Variants in ARMC9 observed in about 807,000 individuals in gnomAD.
ARMC9 encodes lisH domain-containing protein ARMC9.
Under a neutral mutation model 107.0 loss-of-function variants are expected in ARMC9, and 94 were observed. The observed-to-expected ratio is 0.88, with a 90% CI of 0.74 to 1.04. The LOEUF (loss-of-function observed/expected upper bound fraction) is 1.04. ARMC9 is among the 50% of genes least tolerant of loss of function. ARMC9 has a pLI of 0.00. For missense variants in ARMC9, 942 were observed against 1,030.1 expected, an observed-to-expected ratio of 0.91 and a Z score of 1.17; for synonymous variants, 380 against 396.9, an observed-to-expected ratio of 0.96 and a Z score of 0.51.
At chr2:231,223,457 A>G (rs2034346426) in intron 6 of ARMC9, among the ~76,000 whole-genome samples, 1 of 152,210 alleles carries the variant, frequency 6.6e-6, no homozygotes, top group African/African-American at 2.4e-5. Context: ...CCCATGGAAG[A>G]CTAATTTCCC....
intron 7 of ARMC9, among the ~76,000 whole-genome samples, chr2:231,231,874 A>G (rs898415849): frequency 6.6e-6 from 1 of 151,794 alleles, no homozygotes; most frequent in Admixed American, 6.6e-5. Flanking sequence ...TGTTTAGTAG[A>G]GACGGGGTTT....
At position 231,376,616 on chromosome 2, in the gene ARMC9, C is replaced by A. The variant is rs1171173148; in HGVS notation, c.*5081C>A. On this transcript the variant is annotated 3_prime_UTR_variant, in exon 25 of 25. Transcript: ENST00000611582. ...ACAATGGTGCCCAAAACTTCATTAGCAATTTTAATTTTGCCTTGGTCCTGT... is the reference window on the plus strand; with the variant it reads ...ACAATGGTGCCCAAAACTTCATTAGAAATTTTAATTTTGCCTTGGTCCTGT... Among the ~76,000 whole-genome samples, 3 of 152,220 alleles carry A rather than the reference C, an allele frequency of 2.0e-5. No homozygotes were observed. The highest frequency in any genetic ancestry group is 7.2e-5 in the African/African-American group (3 of 41,446).
In ARMC9 at chr2:231,240,017, T is replaced by C. The variant is rs541360475; in HGVS notation, c.855T>C (p.Ser285=). Residue 285 remains serine, a synonymous_variant, in exon 9 of 25, where the codon AGT becomes AGC. Coordinates refer to ENST00000611582, the MANE Select transcript of ARMC9 (RefSeq NM_001352754.2). ...SNQMRQSLAH[S]VDFTRPGTAS... is the part of the protein sequence containing the mutation. ...AGATGCGGCAGAGCCTGGCGCATAG[T>C]GTGGACTTCACGAGGCCTGGGACGG... The C allele has an allele frequency of 4.3e-6, 7 of 1,613,798 alleles. No homozygotes were observed. Among genetic ancestry groups the C allele is most frequent in the East Asian group, 4.5e-5 (2 of 44,878 alleles).
intron 12 of ARMC9, chr2:231,270,593 T>A (rs531372558): frequency 4.2e-6 from 2 of 474,474 alleles, no homozygotes; most frequent in South Asian, 1.6e-5. Flanking sequence ...TCCTTGGGAA[T>A]TATCTTTTTT....
intron 21 of ARMC9, among the ~76,000 whole-genome samples, chr2:231,352,734 AAGAT>A (rs2045153814): frequency 1.3e-5 from 2 of 149,570 alleles, no homozygotes; most frequent in South Asian, 2.1e-4. Flanking sequence ...AGATGGATAG[AAGAT>A]AGGTAGGTAG....
chr2:231,298,530 G>A (rs2041523684), intron 19 of ARMC9, among the ~76,000 whole-genome samples: 1 of 152,222 alleles, frequency 6.6e-6, no homozygotes, highest in African/African-American at 2.4e-5. Flanking sequence ...TTTGCAAGGT[G>A]TTGGAGTCAT....
At chr2:231,331,994 T>C in intron 20 of ARMC9, 97 bp downstream of exon 20, 1 of 1,016,314 alleles carries the variant, frequency 9.8e-7, no homozygotes, top group Non-Finnish European at 1.5e-6. Context: ...TTTAGTTTGG[T>C]TTGTTACCAT....
chr2:231,215,127 C>A, intron 4 of ARMC9, 126 bp downstream of exon 4: 1 of 1,048,482 alleles, frequency 9.5e-7, no homozygotes, highest in Non-Finnish European at 1.4e-6. Flanking sequence ...GAGGTACAGG[C>A]ATCCTCTCTC....
At chr2:231,292,362 G>A (rs983356954) in intron 18 of ARMC9, among the ~76,000 whole-genome samples, 1 of 152,076 alleles carries the variant, frequency 6.6e-6, no homozygotes, top group African/African-American at 2.4e-5. Flanking sequence ...CCACTATTAA[G>A]GTGGCTTCCC....
rs2033532716 is a variant in ARMC9, at chr2:231,216,621, G to A, written c.349-17G>A. On this transcript the variant is annotated splice_polypyrimidine_tract_variant and intron_variant, in intron 4 of 24. Transcript: ENST00000611582. ...ATTGATCTGGAGACCTCAAACAAGT[G>A]TTTTCCCTTCTTCTAGGACAAAGAG... 3 of 1,611,172 alleles carry A rather than the reference G, an allele frequency of 1.9e-6. No homozygotes were observed. Among genetic ancestry groups the A allele is most frequent in the Non-Finnish European group, 8.5e-7 (1 of 1,178,758 alleles).
intron 19 of ARMC9, among the ~76,000 whole-genome samples, chr2:231,327,903 A>G (rs1034316318): frequency 2.0e-5 from 3 of 151,770 alleles, no homozygotes; most frequent in Non-Finnish European, 4.4e-5. Context: ...TCATGCTTCA[A>G]CCTCCAAAGT....
chr2:231,292,657 C>T (rs1300078399), intron 18 of ARMC9, among the ~76,000 whole-genome samples: 2 of 152,192 alleles, frequency 1.3e-5, no homozygotes, highest in East Asian at 3.8e-4. Context: ...GCCAGAGGTA[C>T]CAAGCACTGC....
At chr2:231,317,051 C>T (rs1046789085) in intron 19 of ARMC9, among the ~76,000 whole-genome samples, 1 of 152,146 alleles carries the variant, frequency 6.6e-6, no homozygotes, top group Non-Finnish European at 1.5e-5. Flanking sequence ...TCATTGCTCC[C>T]CTGTATGTAA....
intron 19 of ARMC9, among the ~76,000 whole-genome samples, chr2:231,320,930 G>T (rs1392999184): frequency 6.6e-6 from 1 of 152,176 alleles, no homozygotes; most frequent in Non-Finnish European, 1.5e-5. Context: ...GTTAATACTT[G>T]CTGAATGTCG....
chr2:231,254,611 G>T (rs2125400334), intron 9 of ARMC9, among the ~76,000 whole-genome samples: 1 of 149,928 alleles, frequency 6.7e-6, no homozygotes, highest in Non-Finnish European at 1.5e-5. Flanking sequence ...TTGAGCCCAG[G>T]AGTTCAAGAC....
chr2:231,259,536 C>G (rs1043096636), intron 11 of ARMC9, among the ~76,000 whole-genome samples: 2 of 152,208 alleles, frequency 1.3e-5, no homozygotes, highest in African/African-American at 4.8e-5. Flanking sequence ...CCCATCGCTA[C>G]TTTTCTGCCT....
chr2:231,349,381 G>A (rs2044945901), intron 21 of ARMC9, among the ~76,000 whole-genome samples: 1 of 152,134 alleles, frequency 6.6e-6, no homozygotes, highest in Non-Finnish European at 1.5e-5. Context: ...AAACAATTGA[G>A]CTCATGGAGA....
chr2:231,203,837 G>A (rs1020099167), intron 1 of ARMC9, among the ~76,000 whole-genome samples: 1 of 152,168 alleles, frequency 6.6e-6, no homozygotes. Flanking sequence ...GCGGGTGCCT[G>A]TAATCCCAGC....
chr2:231,371,383 G>A (rs2046015080), intron 24 of ARMC9, 130 bp from the exon 25 acceptor site: 1 of 1,126,836 alleles, frequency 8.9e-7, no homozygotes, highest in Non-Finnish European at 1.2e-6. Flanking sequence ...CCAGGCCACA[G>A]AACAGGTGAC....
Sources: gnomAD v4.1 joint callset for allele counts (sites outside exome capture counted in the v4.1 genomes callset) on GRCh38, gnomAD v4.1.1 for gene constraint, MANE v1.5 for transcripts, NCBI Gene and HGNC (gene_info 2026-07-23, HGNC 2026-07-21) for gene names.